CDH19: variants seen among roughly 807,000 people sequenced by gnomAD.
The protein encoded by CDH19 is cadherin 19, also known as cadherin-19.
A neutral mutation model predicts 64.2 loss-of-function variants in CDH19; 67 were observed. That is an observed-to-expected ratio of 1.04 (90% CI 0.86 to 1.28). The LOEUF is 1.28. Ranked by LOEUF, CDH19 falls within the 50% of genes most tolerant of loss-of-function variation. The pLI is 0.00. For synonymous variants in CDH19, 346 were observed against 319.3 expected, an observed-to-expected ratio of 1.08 and a Z score of -0.89; for missense variants, 1,030 against 929.0, an observed-to-expected ratio of 1.11 and a Z score of -1.41.
intron 1 of CDH19, among the ~76,000 whole-genome samples, chr18:66,585,161 G>T (rs545033890): frequency 1.3e-5 from 2 of 151,724 alleles, no homozygotes; most frequent in African/African-American, 4.8e-5. Context: ...ATAAAGAAAC[G>T]GAACACATAC....
In CDH19 at chr18:66,572,255, T is replaced by G. The variant is rs1988131526; in HGVS notation, c.-51A>C. 7.0e-7 allele frequency: 1 copy of G among 1,419,494 alleles called. No individual in the cohort carries two copies. The highest frequency in any genetic ancestry group is 1.4e-5 in the African/African-American group (1 of 70,044). 87.9% of individuals were successfully genotyped at this position (1,419,494 alleles called of 1,614,324 possible). On this transcript the variant is annotated 5_prime_UTR_variant, in exon 2 of 12. Coordinates refer to ENST00000262150, the MANE Select transcript of CDH19 (RefSeq NM_021153.4). ...ATTACTCTTCAGAGGAAACAGGACG[T>G]CACTAACAAAAATCTTGCTTTCTTT... is the stretch of plus-strand genomic sequence containing the variant.
chr18:66,574,718 A>G (rs1420519142), intron 1 of CDH19, among the ~76,000 whole-genome samples: 1 of 151,754 alleles, frequency 6.6e-6, no homozygotes, highest in Non-Finnish European at 1.5e-5. Flanking sequence ...GTTAAAAAAT[A>G]TTATACCAAG....
At chr18:66,565,865 T>C (rs796372607) in intron 3 of CDH19, among the ~76,000 whole-genome samples, 3 of 152,098 alleles carry the variant, frequency 2.0e-5, no homozygotes, top group African/African-American at 7.2e-5. Flanking sequence ...CATTAGTTCT[T>C]GCATGATTTC....
At chr18:66,572,455 G>A in intron 1 of CDH19, 139 bp from the exon 2 acceptor site, 2 of 307,036 alleles carry the variant, frequency 6.5e-6, no homozygotes, top group Admixed American at 4.5e-5. Flanking sequence ...CAATTAAGCT[G>A]GCTAATTATG....
intron 8 of CDH19, among the ~76,000 whole-genome samples, chr18:66,530,173 C>A (rs1196166828): frequency 6.6e-6 from 1 of 151,734 alleles, no homozygotes; most frequent in African/African-American, 2.4e-5. Context: ...TCAAACCAAG[C>A]AATATTTATT....
intron 11 of CDH19, among the ~76,000 whole-genome samples, chr18:66,506,677 CTGTG>C: frequency 6.6e-6 from 1 of 150,592 alleles, no homozygotes; most frequent in Non-Finnish European, 1.5e-5. Context: ...GTGTGTGTGT[CTGTG>C]TGTGTGTGTG....
At chr18:66,600,270 G>A (rs1989005737) in intron 1 of CDH19, among the ~76,000 whole-genome samples, 1 of 151,772 alleles carries the variant, frequency 6.6e-6, no homozygotes, top group Admixed American at 6.6e-5. Context: ...AAGGGATGAT[G>A]TTTTATATAA....
intron 9 of CDH19, among the ~76,000 whole-genome samples, chr18:66,523,644 T>G (rs1228750898): frequency 6.6e-6 from 1 of 151,586 alleles, no homozygotes; most frequent in African/African-American, 2.4e-5. Flanking sequence ...TCAAGGCGGT[T>G]GTCATGAGCC....
intron 1 of CDH19, among the ~76,000 whole-genome samples, chr18:66,585,981 T>A (rs1391950114): frequency 6.6e-6 from 1 of 152,108 alleles, no homozygotes; most frequent in Middle Eastern, 3.2e-3. Context: ...AATATTATAA[T>A]CTATGCACTT....
At chr18:66,565,194 T>C (rs1987864463) in intron 3 of CDH19, among the ~76,000 whole-genome samples, 1 of 151,940 alleles carries the variant, frequency 6.6e-6, no homozygotes, top group African/African-American at 2.4e-5. Flanking sequence ...TGGGAAAGCA[T>C]AATGTTTTAT....
chr18:66,525,114 G>C (rs954521823), intron 9 of CDH19, among the ~76,000 whole-genome samples: 3 of 152,010 alleles, frequency 2.0e-5, no homozygotes, highest in African/African-American at 7.2e-5. Context: ...GTGATTAACT[G>C]TTCCTTATGT....
At chr18:66,511,896 T>C (rs1985510587) in intron 9 of CDH19, among the ~76,000 whole-genome samples, 1 of 151,604 alleles carries the variant, frequency 6.6e-6, no homozygotes, top group Admixed American at 6.6e-5. Context: ...GTTGTAATAT[T>C]ACATAATAAA....
chr18:66,559,434 C>T (rs1387390832), intron 3 of CDH19, among the ~76,000 whole-genome samples: 11 of 151,524 alleles, frequency 7.3e-5, no homozygotes, highest in Admixed American at 2.6e-4. Context: ...TTATTTTTTT[C>T]GGCATTGTAC....
chr18:66,548,070 G>A (rs1162307219), intron 5 of CDH19, among the ~76,000 whole-genome samples: 1 of 145,298 alleles, frequency 6.9e-6, no homozygotes, highest in Non-Finnish European at 1.5e-5. Context: ...TATATTGAAT[G>A]TATATTATAT....
chr18:66,531,275 G>C (rs746046603), intron 8 of CDH19, among the ~76,000 whole-genome samples: 1 of 152,056 alleles, frequency 6.6e-6, no homozygotes, highest in African/African-American at 2.4e-5. Context: ...AAGAATTGGG[G>C]AGAATAAATT....
At chr18:66,554,372 A>T in intron 4 of CDH19, 33 bp downstream of exon 4, 1 of 1,606,794 alleles carries the variant, frequency 6.2e-7, no homozygotes, top group Non-Finnish European at 8.5e-7. Flanking sequence ...CTTTAGAATC[A>T]TGTTAAACTT....
intron 1 of CDH19, among the ~76,000 whole-genome samples, chr18:66,593,626 T>C (rs911660163): frequency 1.3e-5 from 2 of 152,092 alleles, no homozygotes; most frequent in African/African-American, 4.8e-5. Context: ...AAAATATATA[T>C]ATTTTCTAAT....
At chr18:66,523,938 T>C (rs938897551) in intron 9 of CDH19, among the ~76,000 whole-genome samples, 1 of 151,916 alleles carries the variant, frequency 6.6e-6, no homozygotes, top group Admixed American at 6.6e-5. Context: ...GCGTAATTCC[T>C]GTGCACAGCG....
chr18:66,514,735 T>G (rs1013603606), intron 9 of CDH19, among the ~76,000 whole-genome samples: 1 of 151,584 alleles, frequency 6.6e-6, no homozygotes, highest in African/African-American at 2.4e-5. Flanking sequence ...ACTATGTCTT[T>G]TTTTAAGAAA....
Sources: gnomAD v4.1 joint callset for allele counts (sites outside exome capture counted in the v4.1 genomes callset) on GRCh38, gnomAD v4.1.1 for gene constraint, MANE v1.5 for transcripts, NCBI Gene and HGNC (gene_info 2026-07-23, HGNC 2026-07-21) for gene names.